DPCD: variants seen among roughly 807,000 people sequenced by gnomAD.
DPCD encodes the protein protein DPCD.
Under a neutral mutation model 26.4 loss-of-function variants are expected in DPCD, and 20 were observed. The ratio of observed to expected loss-of-function variants is 0.76; its 90% CI spans 0.53 to 1.10. The LOEUF (loss-of-function observed/expected upper bound fraction) is 1.10. Ranked by LOEUF, DPCD falls within the 50% of genes least tolerant of loss-of-function variation. The probability of loss-of-function intolerance (pLI) is 0.00; values close to 1 mark genes in which losing one functional copy is unlikely to be tolerated. For synonymous variants in DPCD, 97 were observed against 94.2 expected, an observed-to-expected ratio of 1.03 and a Z score of -0.17; for missense variants, 202 against 253.9, an observed-to-expected ratio of 0.80 and a Z score of 1.39.
At chr10:101,602,377 G>A (rs1306723149) in intron 4 of DPCD, among the ~76,000 whole-genome samples, 4 of 152,172 alleles carry the variant, frequency 2.6e-5, no homozygotes, top group East Asian at 1.9e-4. Flanking sequence ...CTCCCCCATC[G>A]CAGCCCTGGG....
intron 4 of DPCD, among the ~76,000 whole-genome samples, chr10:101,602,662 A>C (rs142875267): frequency 1.0e-3 from 154 of 152,366 alleles, no homozygotes; most frequent in African/African-American, 3.7e-3. Context: ...TAGCAATTTC[A>C]GACAACAGAG....
At chr10:101,601,078 G>A in intron 3 of DPCD, 125 bp from the exon 4 acceptor site, 1 of 1,494,220 alleles carries the variant, frequency 6.7e-7, no homozygotes, top group Non-Finnish European at 9.1e-7. Context: ...TGTAGCAATA[G>A]CAGCGTCAGA....
At chr10:101,596,390 T>A (rs1405558105) in intron 2 of DPCD, among the ~76,000 whole-genome samples, 1 of 152,204 alleles carries the variant, frequency 6.6e-6, no homozygotes, top group Non-Finnish European at 1.5e-5. Flanking sequence ...GATACTCTTG[T>A]CTCCATTTTA....
At chr10:101,601,162 T>A (rs1205755091) in intron 3 of DPCD, 41 bp from the exon 4 acceptor site, 1 of 1,611,756 alleles carries the variant, frequency 6.2e-7, no homozygotes, top group African/African-American at 1.3e-5. Context: ...GAGCCTTCCC[T>A]TCCCCAGGAA....
At chr10:101,598,667 C>G (rs1350236800) in intron 2 of DPCD, among the ~76,000 whole-genome samples, 2 of 134,566 alleles carry the variant, frequency 1.5e-5, no homozygotes, top group African/African-American at 5.7e-5. Flanking sequence ...TCTTGTTGCC[C>G]AGGCTGGAGT....
intron 4 of DPCD, chr10:101,605,219 G>A: frequency 6.5e-7 from 1 of 1,550,024 alleles, no homozygotes; most frequent in Non-Finnish European, 8.7e-7. Context: ...TGAGGTATGT[G>A]AGGCATGACC....
intron 1 of DPCD, among the ~76,000 whole-genome samples, chr10:101,593,052 G>GT (rs1405216105): frequency 6.6e-6 from 1 of 151,586 alleles, no homozygotes; most frequent in African/African-American, 2.4e-5. Context: ...TGAAATACAG[G>GT]TAATGAAAAC....
rs771812590 is a variant in DPCD, at chr10:101,588,437, T to TC, written c.64+40dup. On this transcript the variant is annotated intron_variant, in intron 1 of 5. Coordinates refer to ENST00000370151, the MANE Select transcript of DPCD (RefSeq NM_015448.3). ...GTCCCCACGGGCTCCTTCGTTTTTT[T>TC]CCCTCAGGGTCCGGCCCTCCGGGAA... 24 of 1,558,366 alleles carry TC rather than the reference T, an allele frequency of 1.5e-5. No individual in the cohort carries two copies. The African/African-American group carries it at 2.6e-4, about 17-fold the overall frequency.
chr10:101,593,069 G>T (rs1047965520), intron 1 of DPCD, among the ~76,000 whole-genome samples: 1 of 151,916 alleles, frequency 6.6e-6, no homozygotes, highest in Non-Finnish European at 1.5e-5. Context: ...AAACACATAG[G>T]ATTATTGTGA....
chr10:101,608,858 C>T lies in DPCD; in HGVS notation c.428C>T (p.Pro143Leu). Residue 143 changes from proline (P) to leucine (L), a missense_variant, in exon 5 of 6, where the codon CCT becomes CTT. Physicochemically the swap from Pro to Leu is moderately conservative, Grantham distance 98. Transcript: ENST00000370151. ...AGGTACTACAAGAAGTTCTCCATTC[C>T]TGATCTAGATAGACACCAGCTACCT... ...NKKYYKKFSI[P>L]DLDRHQLPLD... The T allele has an allele frequency of 6.2e-7, 1 of 1,613,792 alleles. No individual in the cohort carries two copies. The highest frequency in any genetic ancestry group is 8.5e-7 in the Non-Finnish European group (1 of 1,179,878).
Position 101,608,868 on chromosome 10 carries a change from T to A in DPCD, c.438T>A (p.Asp146Glu), listed in dbSNP as rs988166082. 3 of 1,613,546 alleles carry A rather than the reference T, an allele frequency of 1.9e-6. No homozygotes were observed. The South Asian group carries it at 3.3e-5, about 18-fold the overall frequency. ...AGAAGTTCTCCATTCCTGATCTAGA[T>A]AGACACCAGCTACCTCTGGATGACG... is the stretch of plus-strand genomic sequence containing the variant. ...YYKKFSIPDL[D>E]RHQLPLDDAL... The change falls in exon 5 of 6, where the codon GAT (aspartate) becomes GAA (glutamate). Residue 146 changes from aspartate (D) to glutamate (E), a missense_variant. Transcript: ENST00000370151.
rs1698791260 is a variant in DPCD, at chr10:101,609,567, C to T, written c.*96C>T. ...ACGGCAGCCTCCTGTCTTCTAGGAG[C>T]TATCAAGGGTCTCTAAGAACTGGGC... On this transcript the variant is annotated 3_prime_UTR_variant, in exon 6 of 6. Transcript: ENST00000370151. 1 of 1,063,546 alleles carries T rather than the reference C, an allele frequency of 9.4e-7. No homozygotes were observed. The highest frequency in any genetic ancestry group is 1.5e-5 in the South Asian group (1 of 67,562). 65.9% of individuals were successfully genotyped at this position (1,063,546 alleles called of 1,614,324 possible).
chr10:101,591,973 G>A (rs1024377206), intron 1 of DPCD, among the ~76,000 whole-genome samples: 3 of 152,034 alleles, frequency 2.0e-5, no homozygotes, highest in South Asian at 2.1e-4. Context: ...GGCGTGAGCC[G>A]CCTCGCCCAG....
intron 2 of DPCD, 144 bp downstream of exon 2, chr10:101,594,882 G>A (rs1396635464): frequency 8.3e-6 from 6 of 722,148 alleles, no homozygotes; most frequent in East Asian, 2.7e-5. Flanking sequence ...AGACAACAAC[G>A]TTCCTGAGCA....
At chr10:101,593,009 T>TCAAAAAAAAAAAAAAC (rs1554920602) in intron 1 of DPCD, among the ~76,000 whole-genome samples, 4 of 147,272 alleles carry the variant, frequency 2.7e-5, no homozygotes, top group Non-Finnish European at 6.0e-5. Flanking sequence ...CGAGACTCTG[T>TCAAAAAAAAAAAAAAC]CAAAAAAAAA....
At chr10:101,594,037 G>T (rs1438812161) in intron 1 of DPCD, among the ~76,000 whole-genome samples, 3 of 152,114 alleles carry the variant, frequency 2.0e-5, no homozygotes, top group African/African-American at 7.2e-5. Flanking sequence ...CAAATTAAGT[G>T]CCATGAAGAA....
chr10:101,589,839 A>G (rs7089088), intron 1 of DPCD, among the ~76,000 whole-genome samples: 36,821 of 152,116 alleles, frequency 0.24, 4,784 homozygotes, highest in Non-Finnish European at 0.3. Flanking sequence ...AACTGAGATC[A>G]CACCACTGCA....
chr10:101,592,445 C>A (rs1432979745), intron 1 of DPCD, among the ~76,000 whole-genome samples: 4 of 152,136 alleles, frequency 2.6e-5, no homozygotes, highest in Non-Finnish European at 5.9e-5. Context: ...AAGGGCCAGG[C>A]GTGGTGGCTC....
At position 101,600,794 on chromosome 10, in the gene DPCD, G is replaced by A. The variant is rs2063689095; in HGVS notation, c.202G>A (p.Val68Ile). 6.2e-7 allele frequency: 1 copy of A among 1,614,016 alleles called. No homozygotes were observed. The highest frequency in any genetic ancestry group is 8.5e-7 in the Non-Finnish European group (1 of 1,179,998). Residue 68 changes from valine to isoleucine, a missense_variant, in exon 3 of 6, where the codon GTA becomes ATA. Coordinates refer to ENST00000370151, the MANE Select transcript of DPCD (RefSeq NM_015448.3). This position sits in a 1 kb window ranked among gnomAD's most constrained non-coding sequence, Gnocchi z 4.7. ...LGAMGQWQLE[V>I]GDPAPLGAGN... Reference sequence around the variant, plus strand: ...AGCCATGGGCCAGTGGCAGCTTGAAGTAGGAGACCCAGCGCCCCTAGGAGC... The same window carrying A: ...AGCCATGGGCCAGTGGCAGCTTGAAATAGGAGACCCAGCGCCCCTAGGAGC...
Sources: allele counts gnomAD v4.1 joint callset (sites outside exome capture counted in the v4.1 genomes callset), GRCh38; gene constraint gnomAD v4.1.1; non-coding constraint Gnocchi (gnomAD v3.1); transcripts MANE v1.5; gene names NCBI Gene and HGNC (gene_info 2026-07-23, HGNC 2026-07-21).